Variants in NFIB observed in about 807,000 individuals in gnomAD.
The protein encoded by NFIB is nuclear factor 1 B-type.
In NFIB, 11 loss-of-function variants were observed where a neutral mutation model predicts 61.5. That is an observed-to-expected ratio of 0.18 (90% CI 0.11 to 0.30). The LOEUF (loss-of-function observed/expected upper bound fraction) is 0.30. Among genes scored for constraint, NFIB ranks in the 10% least tolerant of loss-of-function variants. The probability of loss-of-function intolerance (pLI) is 1.00; values close to 1 mark genes in which losing one functional copy is unlikely to be tolerated. For synonymous variants in NFIB, 260 were observed against 216.5 expected (o/e 1.20, Z -1.76); for missense variants, 471 against 608.9 (o/e 0.77, Z 2.38).
intron 1 of NFIB, among the ~76,000 whole-genome samples, chr9:14,394,559 G>T (rs982546781): frequency 1.3e-5 from 2 of 152,144 alleles, no homozygotes; most frequent in Non-Finnish European, 2.9e-5. Context: ...ACTACCATAA[G>T]AACAGTATGG....
the NFIB span, among the ~76,000 whole-genome samples, chr9:14,472,688 A>G: frequency 2.0e-5 from 3 of 152,086 alleles, no homozygotes; most frequent in African/African-American, 4.8e-5. Flanking sequence ...AAAAATACAA[A>G]AAATTAGCCG....
chr9:14,298,630 T>C (rs115196782), intron 2 of NFIB, among the ~76,000 whole-genome samples: 2,116 of 152,256 alleles, frequency 0.014, 30 homozygotes, highest in African/African-American at 0.03. Flanking sequence ...ACAGAAGACG[T>C]AGCTACTGCA....
chr9:14,285,933 G>A (rs1048075438), intron 2 of NFIB, among the ~76,000 whole-genome samples: 2 of 150,954 alleles, frequency 1.3e-5, no homozygotes, highest in Admixed American at 6.6e-5. Flanking sequence ...CTTGCTGAAA[G>A]TTATACAGTT....
chr9:14,216,381 TGAA>T (rs2050860515), intron 2 of NFIB, among the ~76,000 whole-genome samples: 1 of 152,096 alleles, frequency 6.6e-6, no homozygotes, highest in Non-Finnish European at 1.5e-5. Context: ...TCTGTGTGGA[TGAA>T]GTAGAAACTA....
chr9:14,273,073 C>T (rs947596367), intron 2 of NFIB, among the ~76,000 whole-genome samples: 4 of 152,120 alleles, frequency 2.6e-5, no homozygotes, highest in Non-Finnish European at 5.9e-5. Flanking sequence ...AGCCAGGGCA[C>T]GCCAGGGAGA....
At chr9:14,523,528 A>G in the NFIB span, among the ~76,000 whole-genome samples, 20 of 152,242 alleles carry the variant, frequency 1.3e-4, no homozygotes, top group Non-Finnish European at 2.4e-4. Context: ...CGACATCGCC[A>G]TAAATGTAAG....
Position 14,084,072 on chromosome 9 carries a change from T to C in NFIB, c.*4237A>G, listed in dbSNP as rs889633835. The stretch of plus-strand genomic sequence containing the variant: ...ATATAACTTTTCTCCATTTACACTT[T>C]TTTAAAGGATTAGTATCCTATGCTT... On this transcript the variant is annotated 3_prime_UTR_variant, in exon 11 of 11. Transcript: ENST00000380953. 6 of 207,288 alleles carry C rather than the reference T, an allele frequency of 2.9e-5. No individual in the cohort carries two copies. The highest frequency in any genetic ancestry group is 1.4e-4 in the African/African-American group (6 of 43,864). The allele number at this position is 207,288 out of a possible 1,614,324, so 12.8% of individuals were successfully genotyped here.
rs183654317 is a variant in NFIB, at chr9:14,307,525, G to A, written c.31-5C>T. The A allele has an allele frequency of 3.2e-6, 5 of 1,584,782 alleles. No individual in the cohort carries two copies. The African/African-American group carries it at 5.4e-5, about 17-fold the overall frequency. On this transcript the variant is annotated splice_polypyrimidine_tract_variant and splice_region_variant and intron_variant, in intron 1 of 10. Transcript: ENST00000380953. The surrounding 1 kb of genome is among the most constrained non-coding windows in gnomAD (Gnocchi z 5.3). ...GATGAATGGGTGAAATTCATCCTGT[G>A]GAAGACAGAGGGGTGAGGAAAAGAT...
intron 2 of NFIB, among the ~76,000 whole-genome samples, chr9:14,185,913 C>A (rs948803834): frequency 2.0e-5 from 3 of 152,078 alleles, no homozygotes; most frequent in Non-Finnish European, 4.4e-5. Context: ...TGTCCATCTC[C>A]TATAAAGAGA....
the NFIB span, among the ~76,000 whole-genome samples, chr9:14,508,757 A>G: frequency 1.3e-5 from 2 of 152,224 alleles, no homozygotes; most frequent in Admixed American, 6.5e-5. Context: ...CCATAAACCA[A>G]AAAGCCCCCC....
At chr9:14,450,140 C>G in the NFIB span, among the ~76,000 whole-genome samples, 1 of 152,052 alleles carries the variant, frequency 6.6e-6, no homozygotes, top group Non-Finnish European at 1.5e-5. Flanking sequence ...CTCCGACAGG[C>G]CCCGGTGTGT....
At chr9:14,286,820 T>C (rs2058736384) in intron 2 of NFIB, among the ~76,000 whole-genome samples, 1 of 151,038 alleles carries the variant, frequency 6.6e-6, no homozygotes, top group Admixed American at 6.6e-5. Context: ...GGCTTTTAAA[T>C]GCCATCATAA....
chr9:14,162,744 C>T (rs911787094), intron 3 of NFIB, among the ~76,000 whole-genome samples: 14 of 151,956 alleles, frequency 9.2e-5, no homozygotes, highest in East Asian at 1.9e-4. Flanking sequence ...AACTCTGAAT[C>T]GTGAATACTA....
intron 2 of NFIB, chr9:14,300,272 C>G (rs1251662536): frequency 5.0e-6 from 2 of 398,304 alleles, no homozygotes; most frequent in Admixed American, 4.4e-5. Context: ...CGTAATAACT[C>G]AAGTTTCCGA....
chr9:14,089,740 T>C (rs1410961014), intron 10 of NFIB, among the ~76,000 whole-genome samples: 2 of 152,158 alleles, frequency 1.3e-5, no homozygotes, highest in East Asian at 1.9e-4. Context: ...TCAATCTAGA[T>C]ATGCTCATTT....
chr9:14,247,961 C>T (rs1017019167), intron 2 of NFIB, among the ~76,000 whole-genome samples: 13 of 143,078 alleles, frequency 9.1e-5, no homozygotes, highest in African/African-American at 3.1e-4. Flanking sequence ...GAGACAGGGT[C>T]TCTCCCTGTC....
chr9:14,499,998 A>G, the NFIB span, among the ~76,000 whole-genome samples: 27 of 152,340 alleles, frequency 1.8e-4, no homozygotes, highest in African/African-American at 6.3e-4. Flanking sequence ...AGCTTCCAGT[A>G]TAGTACCCGT....
At chr9:14,099,842 G>A (rs966626738) in intron 10 of NFIB, among the ~76,000 whole-genome samples, 13 of 152,182 alleles carry the variant, frequency 8.5e-5, no homozygotes, top group African/African-American at 3.1e-4. Context: ...GGAGGCCAAG[G>A]CGAGCAGATC....
chr9:14,506,272 T>A, the NFIB span, among the ~76,000 whole-genome samples: 1 of 151,622 alleles, frequency 6.6e-6, no homozygotes, highest in Non-Finnish European at 1.5e-5. Flanking sequence ...CCACAGAGGG[T>A]TTTTTAGTGA....
Sources: allele counts gnomAD v4.1 joint callset (sites outside exome capture counted in the v4.1 genomes callset), GRCh38; gene constraint gnomAD v4.1.1; non-coding constraint Gnocchi (gnomAD v3.1); transcripts MANE v1.5; gene names NCBI Gene and HGNC (gene_info 2026-07-23, HGNC 2026-07-21).